The following ARFGEF3 variants were observed in gnomAD, a reference collection of about 807,000 sequenced individuals.
ARFGEF3 encodes the protein ARFGEF family member 3, also known as brefeldin A-inhibited guanine nucleotide-exchange protein 3.
In ARFGEF3, 96 loss-of-function variants were observed where a neutral mutation model predicts 221.7. The observed-to-expected ratio is 0.43, with a 90% CI of 0.37 to 0.51. ARFGEF3 has a LOEUF of 0.51. Among genes scored for constraint, ARFGEF3 ranks in the 20% least tolerant of loss-of-function variants. ARFGEF3 has a pLI of 0.00. For missense variants in ARFGEF3, 2,410 were observed against 2,789.9 expected (o/e 0.86, Z 3.07); for synonymous variants, 1,145 against 1,126.8 (o/e 1.02, Z -0.32).
At chr6:138,243,766 A>C (rs1367561279) in intron 7 of ARFGEF3, among the ~76,000 whole-genome samples, 1 of 152,162 alleles carries the variant, frequency 6.6e-6, no homozygotes, top group Non-Finnish European at 1.5e-5. Flanking sequence ...CTTAATAGCC[A>C]CAATTAGGAG....
At position 138,297,028 on chromosome 6, in the gene ARFGEF3, C is replaced by T; in HGVS notation, c.3648+73C>T. The T allele has an allele frequency of 2.6e-6, 4 of 1,513,088 alleles. No homozygotes were observed. The South Asian group carries it at 3.9e-5, about 15-fold the overall frequency. The allele number at this position is 1,513,088 out of a possible 1,614,324, so 93.7% of individuals were successfully genotyped here. A position where few individuals can be genotyped will look rare whatever the true frequency, so the allele number is the denominator to read the frequency against. On this transcript the variant is annotated intron_variant, in intron 21 of 33. Coordinates refer to ENST00000251691, the MANE Select transcript of ARFGEF3 (RefSeq NM_020340.5). ...CCAGCAGAGCCAGCATGGGGGCCTG[C>T]AGTCATGTATGGGGGCAAAGCACTG... is the stretch of plus-strand genomic sequence containing the variant.
intron 8 of ARFGEF3, among the ~76,000 whole-genome samples, chr6:138,248,259 C>T (rs979561271): frequency 2.0e-5 from 3 of 152,118 alleles, no homozygotes; most frequent in Non-Finnish European, 2.9e-5. Flanking sequence ...CCTGTTCCAG[C>T]GCAGTCATGG....
intron 14 of ARFGEF3, among the ~76,000 whole-genome samples, chr6:138,281,639 A>G (rs939064204): frequency 6.6e-6 from 1 of 152,264 alleles, no homozygotes; most frequent in East Asian, 1.9e-4. Flanking sequence ...AACAAAGGAC[A>G]TGATTTTGTT....
intron 11 of ARFGEF3, among the ~76,000 whole-genome samples, chr6:138,262,031 C>T (rs990817712): frequency 6.6e-6 from 1 of 152,010 alleles, no homozygotes; most frequent in African/African-American, 2.4e-5. Flanking sequence ...AGAGGAAGGT[C>T]CACATTATAT....
Position 138,263,304 on chromosome 6 carries a change from G to A in ARFGEF3, c.1821G>A (p.Glu607=). The A allele has an allele frequency of 6.2e-7, 1 of 1,614,012 alleles. No homozygotes were observed. The highest frequency in any genetic ancestry group is 8.5e-7 in the Non-Finnish European group (1 of 1,179,894). ...ATGACCAAGACCTTTCTAGGACAGA[G>A]TTTGATTCCTGTGATCAGTACTCTA... The part of the protein sequence containing the change: ...SVDDQDLSRT[E]FDSCDQYSMA... The change falls in exon 12 of 34, where the codon GAG becomes GAA. Residue 607 remains glutamate (E), a synonymous_variant. Coordinates refer to ENST00000251691, the MANE Select transcript of ARFGEF3 (RefSeq NM_020340.5).
rs1486955987 is a variant in ARFGEF3 at position 138,335,061 on chromosome 6, A to G, written c.6215A>G (p.Asp2072Gly). Reference protein sequence around the residue: ...PLLQRPQHLMDQGQMRHSFSA... With the variant: ...PLLQRPQHLMGQGQMRHSFSA... The stretch of plus-strand genomic sequence containing the variant: ...CTTCAGCGTCCCCAGCACTTGATGG[A>G]CCAAGGGCAAATGCGGCATTCCTTC... The change falls in exon 33 of 34, where the codon GAC becomes GGC. Residue 2072 changes from aspartate to glycine, a missense_variant. This residue lies in a region of ARFGEF3 where 339 missense variants were observed against 334.9 expected (regional missense o/e 1.01). Transcript: ENST00000251691. 10 of 1,599,330 alleles carry G rather than the reference A, an allele frequency of 6.3e-6. No homozygotes were observed. The highest frequency in any genetic ancestry group is 1.3e-5 in the African/African-American group (1 of 74,558).
At chr6:138,328,720 A>G (rs1780169335) in intron 32 of ARFGEF3, among the ~76,000 whole-genome samples, 1 of 152,114 alleles carries the variant, frequency 6.6e-6, no homozygotes, top group Admixed American at 6.5e-5. Context: ...AAAAAAAAAT[A>G]GGCCAGGCAT....
chr6:138,163,978 G>A (rs1374232243), intron 1 of ARFGEF3, among the ~76,000 whole-genome samples: 1 of 152,146 alleles, frequency 6.6e-6, no homozygotes, highest in Non-Finnish European at 1.5e-5. Context: ...TTGAAGAATG[G>A]GGAAGCTATG....
At chr6:138,178,805 A>G (rs1395687173) in intron 2 of ARFGEF3, among the ~76,000 whole-genome samples, 3 of 152,208 alleles carry the variant, frequency 2.0e-5, no homozygotes, top group East Asian at 1.9e-4. Context: ...AGCTTTGGCA[A>G]TAGGACTTCT....
chr6:138,287,418 A>G (rs1296199986), intron 17 of ARFGEF3, among the ~76,000 whole-genome samples: 2 of 152,188 alleles, frequency 1.3e-5, no homozygotes, highest in Non-Finnish European at 2.9e-5. Context: ...GGTGGCAAGG[A>G]AAGTGCAGCA....
At chr6:138,255,138 A>G (rs1171012570) in intron 9 of ARFGEF3, among the ~76,000 whole-genome samples, 3 of 152,252 alleles carry the variant, frequency 2.0e-5, no homozygotes, top group Non-Finnish European at 4.4e-5. Context: ...TGTTATTTGT[A>G]GTAATATGAA....
At position 138,327,897 on chromosome 6, in the gene ARFGEF3, A is replaced by C. The variant is rs1780155214; in HGVS notation, c.5002-124A>C. 4.3e-6 allele frequency: 3 copies of C among 699,028 alleles called. No homozygotes were observed. The South Asian group carries it at 6.4e-5, about 15-fold the overall frequency. 43.3% of individuals were successfully genotyped at this position (699,028 alleles called of 1,614,324 possible). A position where few individuals can be genotyped will look rare whatever the true frequency, so the allele number is the denominator to read the frequency against. ...TTAACTCTCTCAACAAACATATCAA[A>C]TAGGAAACCATTATCCTCATTTTAT... On this transcript the variant is annotated intron_variant, in intron 31 of 33. Coordinates refer to ENST00000251691, the MANE Select transcript of ARFGEF3 (RefSeq NM_020340.5).
Position 138,336,621 on chromosome 6 carries a change from G to A in ARFGEF3, c.*135G>A. On this transcript the variant is annotated 3_prime_UTR_variant, in exon 34 of 34. Transcript: ENST00000251691. Reference sequence around the variant, plus strand: ...GTCTCAGAGAACAGTGTTTCCTAATGTAAAAAGCCTTTCCAACCACTGATC... The same window carrying A: ...GTCTCAGAGAACAGTGTTTCCTAATATAAAAAGCCTTTCCAACCACTGATC... 1 of 684,224 alleles carries A rather than the reference G, an allele frequency of 1.5e-6. No individual in the cohort carries two copies. The highest frequency in any genetic ancestry group is 2.7e-5 in the South Asian group (1 of 37,712). 42.4% of individuals were successfully genotyped at this position (684,224 alleles called of 1,614,324 possible). A position where few individuals can be genotyped will look rare whatever the true frequency, so the allele number is the denominator to read the frequency against.
At chr6:138,315,938 G>T (rs1779918814) in intron 26 of ARFGEF3, among the ~76,000 whole-genome samples, 1 of 152,050 alleles carries the variant, frequency 6.6e-6, no homozygotes, top group Non-Finnish European at 1.5e-5. Context: ...TTAAAGTATT[G>T]AAAGTTGGCT....
intron 2 of ARFGEF3, 92 bp downstream of exon 2, chr6:138,170,805 G>A (rs1305976731): frequency 4.0e-6 from 3 of 757,822 alleles, no homozygotes; most frequent in East Asian, 2.5e-5. Flanking sequence ...GTCTTAGTTT[G>A]TTTTGTGCTG....
intron 1 of ARFGEF3, among the ~76,000 whole-genome samples, chr6:138,170,140 T>C (rs1776798833): frequency 6.6e-6 from 1 of 152,188 alleles, no homozygotes; most frequent in Non-Finnish European, 1.5e-5. Context: ...TTAACAAGAT[T>C]TGGATGTGAG....
Position 138,263,314 on chromosome 6 carries a change from T to G in ARFGEF3, c.1831T>G (p.Cys611Gly), listed in dbSNP as rs1318399877. The G allele has an allele frequency of 1.9e-6, 3 of 1,613,910 alleles. No individual in the cohort carries two copies. The East Asian group carries it at 6.7e-5, about 36-fold the overall frequency. Residue 611 changes from cysteine (C) to glycine (G), a missense_variant, in exon 12 of 34, where the codon TGT (cysteine) becomes GGT (glycine). By Grantham distance (159) the Cys-to-Gly change is radical (BLOSUM62 -3). Transcript: ENST00000251691. ...CCTTTCTAGGACAGAGTTTGATTCCTGTGATCAGTACTCTATGGCAGCAGA... is the reference window on the plus strand; with the variant it reads ...CCTTTCTAGGACAGAGTTTGATTCCGGTGATCAGTACTCTATGGCAGCAGA... ...QDLSRTEFDSCDQYSMAAEKD... is the reference protein window; with the variant it reads ...QDLSRTEFDSGDQYSMAAEKD...
At chr6:138,180,702 G>A (rs1339563682) in intron 2 of ARFGEF3, among the ~76,000 whole-genome samples, 1 of 152,362 alleles carries the variant, frequency 6.6e-6, no homozygotes, top group East Asian at 1.9e-4. Flanking sequence ...GAAAGGCAAT[G>A]TGGGGAAGAC....
At chr6:138,171,512 G>A (rs1776830667) in intron 2 of ARFGEF3, among the ~76,000 whole-genome samples, 1 of 152,188 alleles carries the variant, frequency 6.6e-6, no homozygotes, top group African/African-American at 2.4e-5. Flanking sequence ...GCAGCCCAGA[G>A]ATAGGAAGCC....
Sources: allele counts gnomAD v4.1 joint callset (sites outside exome capture counted in the v4.1 genomes callset), GRCh38; gene constraint gnomAD v4.1.1; regional missense constraint gnomAD v4.1.1; transcripts MANE v1.5; gene names NCBI Gene and HGNC (gene_info 2026-07-23, HGNC 2026-07-21).